The following EYS variants were observed in gnomAD, a reference collection of about 807,000 sequenced individuals.
EYS encodes protein eyes shut homolog.
In EYS, 250 loss-of-function variants were observed where a neutral mutation model predicts 282.1. That is an observed-to-expected ratio of 0.89 (90% confidence interval 0.80 to 0.98). The LOEUF (loss-of-function observed/expected upper bound fraction) is 0.98. Among genes scored for constraint, EYS ranks in the 50% least tolerant of loss-of-function variants. EYS has a pLI of 0.00. For synonymous variants in EYS, 1,355 were observed against 1,282.9 expected, an observed-to-expected ratio of 1.06 and a Z score of -1.20; for missense variants, 4,016 against 3,709.0, an observed-to-expected ratio of 1.08 and a Z score of -2.15.
At chr6:64,649,267 A>C (rs1768465138) in intron 22 of EYS, among the ~76,000 whole-genome samples, 1 of 150,776 alleles carries the variant, frequency 6.6e-6, no homozygotes, top group African/African-American at 2.5e-5. Context: ...TTATAAGCAT[A>C]TTTGTTAAAT....
chr6:64,213,389 C>G (rs978557884), intron 31 of EYS, among the ~76,000 whole-genome samples: 1 of 152,048 alleles, frequency 6.6e-6, no homozygotes, highest in Admixed American at 6.6e-5. Flanking sequence ...TATTTACTAG[C>G]AAAGCCTCTG....
chr6:65,347,511 T>C (rs1224556317), intron 9 of EYS, among the ~76,000 whole-genome samples: 1 of 151,750 alleles, frequency 6.6e-6, no homozygotes, highest in African/African-American at 2.4e-5. Context: ...CAGTCTTTTC[T>C]TTCTGACATC....
At chr6:64,691,233 G>T (rs1224287588) in intron 22 of EYS, among the ~76,000 whole-genome samples, 6 of 152,058 alleles carry the variant, frequency 3.9e-5, no homozygotes, top group Non-Finnish European at 1.5e-5. Flanking sequence ...AGTCTTTAAG[G>T]TCACGAACAG....
At chr6:64,658,788 C>T (rs996001359) in intron 22 of EYS, among the ~76,000 whole-genome samples, 1 of 152,140 alleles carries the variant, frequency 6.6e-6, no homozygotes, top group Non-Finnish European at 1.5e-5. Context: ...CCCAGTTAGG[C>T]TACTTGGGGG....
chr6:63,856,196 G>A (rs990838375), intron 36 of EYS, among the ~76,000 whole-genome samples: 6 of 152,010 alleles, frequency 3.9e-5, no homozygotes, highest in Non-Finnish European at 8.8e-5. Context: ...GGCCTGGACT[G>A]ACAGACCTGC....
intron 14 of EYS, among the ~76,000 whole-genome samples, chr6:64,984,140 T>C (rs535674173): frequency 5.9e-5 from 9 of 151,510 alleles, no homozygotes; most frequent in South Asian, 4.1e-4. Flanking sequence ...CTTAAAACAT[T>C]GTAGACCAAC....
At chr6:64,222,219 CAGAT>C (rs1468721361) in intron 31 of EYS, among the ~76,000 whole-genome samples, 9 of 151,978 alleles carry the variant, frequency 5.9e-5, no homozygotes, top group Admixed American at 3.9e-4. Flanking sequence ...TTCTTCTACT[CAGAT>C]AGTTTTCAAT....
At chr6:65,413,197 T>C (rs1396325254) in intron 5 of EYS, among the ~76,000 whole-genome samples, 1 of 152,182 alleles carries the variant, frequency 6.6e-6, no homozygotes, top group East Asian at 1.9e-4. Context: ...TTTTCTTATG[T>C]AAAATATTCT....
chr6:65,092,184 C>T (rs982851078), intron 12 of EYS, among the ~76,000 whole-genome samples: 13 of 151,816 alleles, frequency 8.6e-5, no homozygotes, highest in African/African-American at 1.7e-4. Context: ...AACTCAAGAA[C>T]GAAAATGAAT....
chr6:64,310,317 G>A (rs1056224169), intron 29 of EYS, among the ~76,000 whole-genome samples: 1 of 152,000 alleles, frequency 6.6e-6, no homozygotes, highest in Non-Finnish European at 1.5e-5. Context: ...CAATAGCAAA[G>A]ACATGGAATC....
At chr6:65,606,949 A>T (rs1765820894) in intron 2 of EYS, among the ~76,000 whole-genome samples, 1 of 151,744 alleles carries the variant, frequency 6.6e-6, no homozygotes, top group Admixed American at 6.6e-5. Context: ...AATGGGATAT[A>T]ATGTCTTAAG....
At chr6:64,448,143 G>A (rs971842472) in intron 26 of EYS, among the ~76,000 whole-genome samples, 4 of 152,152 alleles carry the variant, frequency 2.6e-5, no homozygotes, top group Admixed American at 6.5e-5. Flanking sequence ...CTGGAAAATC[G>A]GGTAACTCCC....
At chr6:65,616,613 C>T (rs1326503995) in intron 2 of EYS, among the ~76,000 whole-genome samples, 1 of 151,918 alleles carries the variant, frequency 6.6e-6, no homozygotes, top group African/African-American at 2.4e-5. Flanking sequence ...TGGTGAAACC[C>T]CGTGTCTACT....
intron 22 of EYS, among the ~76,000 whole-genome samples, chr6:64,739,538 G>A (rs1021483710): frequency 9.2e-5 from 14 of 152,126 alleles, no homozygotes; most frequent in African/African-American, 2.2e-4. Context: ...ATCTCTAATC[G>A]TATCAGACAG....
chr6:64,870,834 G>A (rs969873750), intron 19 of EYS, among the ~76,000 whole-genome samples: 6 of 151,686 alleles, frequency 4.0e-5, no homozygotes, highest in South Asian at 4.1e-4. Context: ...TGAGCAGACC[G>A]AAGGAAAAAA....
intron 19 of EYS, among the ~76,000 whole-genome samples, chr6:64,852,120 T>C (rs1765904730): frequency 2.0e-5 from 3 of 150,426 alleles, no homozygotes; most frequent in South Asian, 4.2e-4. Context: ...AGCCTGTGAT[T>C]GTTCATTTCA....
chr6:64,397,738 C>T (rs1439681567), intron 28 of EYS, among the ~76,000 whole-genome samples: 1 of 151,838 alleles, frequency 6.6e-6, no homozygotes, highest in Non-Finnish European at 1.5e-5. Context: ...TTGATAGTCT[C>T]CATTCTCTGT....
intron 26 of EYS, among the ~76,000 whole-genome samples, chr6:64,549,560 A>C (rs1764997244): frequency 6.6e-6 from 1 of 152,122 alleles, no homozygotes; most frequent in Non-Finnish European, 1.5e-5. Context: ...ATATTCCGGG[A>C]TAAACTTCTC....
chr6:64,459,947 GA>G (rs68098455), intron 26 of EYS, among the ~76,000 whole-genome samples: 55,230 of 141,576 alleles, frequency 0.39, 10,386 homozygotes, highest in African/African-American at 0.47. Context: ...GTAATATCCA[GA>G]AAAAAAAAAA....
Sources: allele counts gnomAD v4.1 joint callset (sites outside exome capture counted in the v4.1 genomes callset), GRCh38; gene constraint gnomAD v4.1.1; transcripts MANE v1.5; gene names NCBI Gene and HGNC (gene_info 2026-07-23, HGNC 2026-07-21).